The following ELMO1 variants were observed in gnomAD, a reference collection of about 807,000 sequenced individuals.
The protein encoded by ELMO1 is engulfment and cell motility protein 1.
In ELMO1, 26 loss-of-function variants were observed where a neutral mutation model predicts 98.9. The ratio of observed to expected loss-of-function variants is 0.26; its 90% CI spans 0.19 to 0.36. The LOEUF (loss-of-function observed/expected upper bound fraction) is 0.36. Among genes scored for constraint, ELMO1 ranks in the 10% least tolerant of loss-of-function variants. The probability of loss-of-function intolerance (pLI) is 1.00; values close to 1 mark genes in which losing one functional copy is unlikely to be tolerated. For missense variants in ELMO1, 627 were observed against 935.2 expected, an observed-to-expected ratio of 0.67 and a Z score of 4.30; for synonymous variants, 346 against 346.0, an observed-to-expected ratio of 1.00 and a Z score of 0.00.
chr7:37,127,962 G>A lies in ELMO1; in HGVS notation c.1191+5168C>T, dbSNP rs531147664. Among the ~76,000 whole-genome samples the A allele has an allele frequency of 5.9e-5, 9 of 152,262 alleles. 1 individual carries two copies. In the South Asian group the frequency reaches 6.2e-4, roughly 11 times the overall value. ...AATCCCAACAATTTGGGAGGCCAAGGCGGGCAGATCATCTGAGGTCAGGAG... is the reference window on the plus strand; with the variant it reads ...AATCCCAACAATTTGGGAGGCCAAGACGGGCAGATCATCTGAGGTCAGGAG... On this transcript the variant is annotated intron_variant, in intron 14 of 21. Coordinates refer to ENST00000310758, the MANE Select transcript of ELMO1 (RefSeq NM_014800.11).
chr7:37,300,913 T>C (rs1208338417), intron 4 of ELMO1, among the ~76,000 whole-genome samples: 1 of 152,130 alleles, frequency 6.6e-6, no homozygotes. Flanking sequence ...TCTTTTTGGT[T>C]GGTAAGCTAT....
intron 5 of ELMO1, among the ~76,000 whole-genome samples, chr7:37,267,850 G>A (rs1380559280): frequency 1.3e-5 from 2 of 152,240 alleles, no homozygotes; most frequent in East Asian, 3.9e-4. Context: ...CCTCCATTAT[G>A]CAGCTGTCAA....
intron 16 of ELMO1, among the ~76,000 whole-genome samples, chr7:36,958,966 T>C (rs1788703525): frequency 6.6e-6 from 1 of 152,014 alleles, no homozygotes; most frequent in African/African-American, 2.4e-5. Context: ...TGCACTTGGG[T>C]GTCTATCCGG....
At chr7:37,305,445 AGTGT>A (rs147003634) in intron 4 of ELMO1, among the ~76,000 whole-genome samples, 4 of 122,820 alleles carry the variant, frequency 3.3e-5, no homozygotes, top group South Asian at 4.8e-4. Flanking sequence ...CAGTACAGAT[AGTGT>A]GTGTGTGTGT....
At chr7:37,120,862 G>A (rs921274272) in intron 14 of ELMO1, among the ~76,000 whole-genome samples, 1 of 152,172 alleles carries the variant, frequency 6.6e-6, no homozygotes, top group Non-Finnish European at 1.5e-5. Context: ...TAGCCTAACT[G>A]GGAGGCACCC....
intron 13 of ELMO1, among the ~76,000 whole-genome samples, chr7:37,200,072 GT>G (rs1199226730): frequency 1.3e-5 from 2 of 151,954 alleles, no homozygotes; most frequent in Non-Finnish European, 2.9e-5. Context: ...GCTACAACTT[GT>G]TTTTTATCCC....
At chr7:37,229,968 C>G (rs1357389311) in intron 8 of ELMO1, among the ~76,000 whole-genome samples, 3 of 151,744 alleles carry the variant, frequency 2.0e-5, no homozygotes, top group African/African-American at 7.3e-5. Context: ...AAATGACTGT[C>G]ATTCTCTTTG....
chr7:37,295,695 T>C (rs575072082), intron 4 of ELMO1, among the ~76,000 whole-genome samples: 2 of 152,290 alleles, frequency 1.3e-5, no homozygotes, highest in African/African-American at 4.8e-5. Flanking sequence ...TGGAAACTTT[T>C]TGTTCTAGAA....
At chr7:37,026,323 G>C (rs1231029737) in intron 15 of ELMO1, among the ~76,000 whole-genome samples, 1 of 152,044 alleles carries the variant, frequency 6.6e-6, no homozygotes, top group African/African-American at 2.4e-5. Context: ...CCTTAACCTG[G>C]GGCTCAGAGC....
intron 2 of ELMO1, among the ~76,000 whole-genome samples, chr7:37,331,424 C>T (rs577345027): frequency 4.1e-5 from 6 of 147,322 alleles, no homozygotes; most frequent in Non-Finnish European, 7.4e-5. Flanking sequence ...CCTCATGATC[C>T]GCCCGCCTCA....
At chr7:37,006,565 T>C (rs987437310) in intron 16 of ELMO1, among the ~76,000 whole-genome samples, 3 of 152,306 alleles carry the variant, frequency 2.0e-5, no homozygotes, top group Admixed American at 1.3e-4. Flanking sequence ...AGTGGGGACA[T>C]CATCCTTAGG....
At chr7:37,093,103 A>G (rs1231482141) in intron 15 of ELMO1, among the ~76,000 whole-genome samples, 3 of 152,018 alleles carry the variant, frequency 2.0e-5, no homozygotes, top group Admixed American at 6.6e-5. Flanking sequence ...AATAGACATT[A>G]TTTTGGACCA....
chr7:37,102,512 A>T (rs1358810864), intron 14 of ELMO1, among the ~76,000 whole-genome samples: 1 of 152,266 alleles, frequency 6.6e-6, no homozygotes, highest in African/African-American at 2.4e-5. Context: ...AAAGGAAGTG[A>T]GACCTGGAAG....
chr7:37,197,924 G>T (rs1465022621), intron 13 of ELMO1, among the ~76,000 whole-genome samples: 1 of 152,190 alleles, frequency 6.6e-6, no homozygotes, highest in Non-Finnish European at 1.5e-5. Flanking sequence ...CTAGGTCCAA[G>T]GCACTCTCCA....
intron 7 of ELMO1, among the ~76,000 whole-genome samples, chr7:37,240,455 G>T (rs1443659625): frequency 2.0e-5 from 3 of 151,110 alleles, no homozygotes; most frequent in African/African-American, 7.3e-5. Flanking sequence ...TAAATATTTG[G>T]CTTTAATTTT....
chr7:37,126,304 T>A (rs1024528344), intron 14 of ELMO1, among the ~76,000 whole-genome samples: 1 of 80,708 alleles, frequency 1.2e-5, no homozygotes, highest in African/African-American at 1.1e-4. Flanking sequence ...AATTTAAATA[T>A]ATATATATAT....
At chr7:37,255,295 G>T (rs968346828) in intron 6 of ELMO1, among the ~76,000 whole-genome samples, 2 of 152,128 alleles carry the variant, frequency 1.3e-5, no homozygotes, top group Non-Finnish European at 2.9e-5. Flanking sequence ...AAACAGGGAT[G>T]TGCACATGAG....
At chr7:37,356,908 A>G (rs1801520664) in intron 1 of ELMO1, among the ~76,000 whole-genome samples, 1 of 152,244 alleles carries the variant, frequency 6.6e-6, no homozygotes, top group Non-Finnish European at 1.5e-5. Context: ...TATCTCCACC[A>G]AAGTAAACCA....
chr7:37,115,873 A>G (rs1184078751), intron 14 of ELMO1, among the ~76,000 whole-genome samples: 1 of 152,232 alleles, frequency 6.6e-6, no homozygotes, highest in African/African-American at 2.4e-5. Context: ...CTTGGAACTA[A>G]TAAACAATTA....
Sources: allele counts gnomAD v4.1 joint callset (sites outside exome capture counted in the v4.1 genomes callset), GRCh38; gene constraint gnomAD v4.1.1; transcripts MANE v1.5; gene names NCBI Gene and HGNC (gene_info 2026-07-23, HGNC 2026-07-21).